Variants in MTA1 observed in about 807,000 individuals in gnomAD.
MTA1 encodes metastasis associated 1, also known as metastasis-associated protein MTA1.
MTA1 carries 15 observed loss-of-function variants against 97.0 expected under a neutral mutation model. That is an observed-to-expected ratio of 0.15 (90% CI 0.10 to 0.24). The LOEUF is 0.24. Ranked by LOEUF, MTA1 falls within the 10% of genes least tolerant of loss-of-function variation. MTA1 has a pLI of 1.00. For missense variants in MTA1, 709 were observed against 1,015.1 expected, an observed-to-expected ratio of 0.70 and a Z score of 4.10; for synonymous variants, 435 against 417.5, an observed-to-expected ratio of 1.04 and a Z score of -0.51.
intron 1 of MTA1, among the ~76,000 whole-genome samples, chr14:105,432,118 C>T (rs1356479575): frequency 1.3e-5 from 2 of 152,234 alleles, no homozygotes; most frequent in Non-Finnish European, 2.9e-5. Flanking sequence ...GCCTCAATTT[C>T]CTGGGCTCAG....
At chr14:105,458,206 GGAGAGGCGCGGCCCGGCGC>G (rs1555430272) in intron 7 of MTA1, 45 bp from the exon 8 acceptor site, 1 of 1,427,210 alleles carries the variant, frequency 7.0e-7, no homozygotes, top group East Asian at 2.3e-5. Context: ...CACCCGGGGA[GGAGAGGCGCGGCCCGGCGC>G]GCCGTGGGAC....
rs1284247452 is a variant in MTA1 at position 105,420,367 on chromosome 14, G to A, written c.28+304G>A. Among the ~76,000 whole-genome samples, 1 of 151,738 alleles carries A rather than the reference G, an allele frequency of 6.6e-6. No homozygotes were observed. Among genetic ancestry groups the A allele is most frequent in the Non-Finnish European group, 1.5e-5 (1 of 67,854 alleles). On this transcript the variant is annotated intron_variant, in intron 1 of 20. Transcript: ENST00000331320. The surrounding 1 kb of genome is among the most constrained non-coding windows in gnomAD (Gnocchi z 5.3). ...GCGCGGGGCCTGCGGGACATCCGGG[G>A]GTCCGGGGCCGGGAGCCCCCAGCGG...
At chr14:105,446,264 TG>T (rs1337041216) in intron 3 of MTA1, among the ~76,000 whole-genome samples, 1 of 152,048 alleles carries the variant, frequency 6.6e-6, no homozygotes, top group African/African-American at 2.4e-5. Context: ...CATGTGTCGG[TG>T]GGGGCAGGCA....
intron 9 of MTA1, 24 bp downstream of exon 9, chr14:105,460,481 G>C: frequency 6.3e-7 from 1 of 1,585,576 alleles, no homozygotes; most frequent in Non-Finnish European, 8.6e-7. Context: ...GGGCGGGACA[G>C]GTGAGACCTG....
In MTA1 at chr14:105,464,690, C is replaced by T. The variant is rs1200071600; in HGVS notation, c.1361C>T (p.Pro454Leu). Residue 454 changes from proline to leucine, a missense_variant, in exon 15 of 21, where the codon CCA (proline) becomes CTA (leucine). Physicochemically the swap from Pro to Leu is moderately conservative, Grantham distance 98. Around this residue, in one of 2 missense-constraint regions of MTA1, gnomAD observed 388 missense variants for 421.6 expected, o/e 0.92. Coordinates refer to ENST00000331320, the MANE Select transcript of MTA1 (RefSeq NM_004689.4). ...CTTCCGCAGAGTCCCCACGGCCTCC[C>T]AGCCCGGAGCAGCGGGAGCCCCAAG... ...NRSNMSPHGLPARSSGSPKFA... is the reference protein window; with the variant it reads ...NRSNMSPHGLLARSSGSPKFA... 3 of 1,603,944 alleles carry T rather than the reference C, an allele frequency of 1.9e-6. No homozygotes were observed. In the East Asian group the frequency reaches 6.7e-5, roughly 36 times the overall value.
At chr14:105,434,117 C>A (rs1595291641) in intron 1 of MTA1, among the ~76,000 whole-genome samples, 1 of 152,194 alleles carries the variant, frequency 6.6e-6, no homozygotes, top group Admixed American at 6.5e-5. Context: ...GCGCCTGGCC[C>A]AGTTATTTTG....
chr14:105,455,043 C>G (rs2083088973), intron 7 of MTA1, among the ~76,000 whole-genome samples: 7 of 152,114 alleles, frequency 4.6e-5, no homozygotes, highest in Admixed American at 4.6e-4. Context: ...GTAGCTGGAA[C>G]TACAGGGGCA....
intron 1 of MTA1, among the ~76,000 whole-genome samples, chr14:105,428,587 C>G (rs1466293391): frequency 6.6e-6 from 1 of 151,928 alleles, no homozygotes; most frequent in Non-Finnish European, 1.5e-5. Flanking sequence ...TTCTTGAAAT[C>G]AAGTAGTAGG....
chr14:105,465,480 CG>C (rs1555432522), intron 16 of MTA1: 1 of 265,832 alleles, frequency 3.8e-6, no homozygotes, highest in African/African-American at 2.2e-5. Context: ...CTGCCAGTCT[CG>C]CTACCCTGTT....
chr14:105,457,295 C>T (rs987014187), intron 7 of MTA1, among the ~76,000 whole-genome samples: 1 of 152,366 alleles, frequency 6.6e-6, no homozygotes, highest in South Asian at 2.1e-4. Context: ...CCCAACACCA[C>T]GGTCTTGTTT....
chr14:105,468,450 C>A, intron 18 of MTA1: 1 of 1,130,580 alleles, frequency 8.8e-7, no homozygotes, highest in Non-Finnish European at 1.2e-6. Context: ...CGCCGCAGAT[C>A]AGGCACCTGG....
At chr14:105,427,432 G>C (rs782248496) in intron 1 of MTA1, among the ~76,000 whole-genome samples, 1 of 152,226 alleles carries the variant, frequency 6.6e-6, no homozygotes, top group South Asian at 2.1e-4. Context: ...CTGGACACAG[G>C]CAGGCTGGGA....
Position 105,460,762 on chromosome 14 carries a change from C to T in MTA1, c.754-3C>T. On this transcript the variant is annotated splice_region_variant and splice_polypyrimidine_tract_variant and intron_variant, in intron 9 of 20. Coordinates refer to ENST00000331320, the MANE Select transcript of MTA1 (RefSeq NM_004689.4). Reference sequence around the variant, plus strand: ...CGGGTGACCCTGCTGTCTCCTGCCGCAGTTCCACGCCATGGATACTCTCCA... The same window carrying T: ...CGGGTGACCCTGCTGTCTCCTGCCGTAGTTCCACGCCATGGATACTCTCCA... The T allele has an allele frequency of 6.4e-7, 1 of 1,569,764 alleles. No individual in the cohort carries two copies. Among genetic ancestry groups the T allele is most frequent in the Non-Finnish European group, 8.7e-7 (1 of 1,156,014 alleles).
At chr14:105,455,894 C>T (rs7149807) in intron 7 of MTA1, among the ~76,000 whole-genome samples, 131,894 of 152,048 alleles carry the variant, frequency 0.87, 60,269 homozygotes, top group Non-Finnish European at 1. Flanking sequence ...GCCTGTGGGT[C>T]GGAGCCTGGG....
At chr14:105,469,569 C>A (rs2141724340) in intron 19 of MTA1, 71 bp downstream of exon 19, 1 of 1,547,988 alleles carries the variant, frequency 6.5e-7, no homozygotes, top group African/African-American at 1.4e-5. Flanking sequence ...GGGAAGAGGC[C>A]TGGCCAGCCC....
chr14:105,454,841 A>T (rs1403032001), intron 7 of MTA1: 1 of 153,534 alleles, frequency 6.5e-6, no homozygotes, highest in Non-Finnish European at 1.4e-5. Flanking sequence ...TCTTGACCTC[A>T]GGCCTCCCAA....
At chr14:105,437,617 G>A (rs868950635) in intron 1 of MTA1, among the ~76,000 whole-genome samples, 7 of 152,230 alleles carry the variant, frequency 4.6e-5, no homozygotes, top group African/African-American at 9.6e-5. Context: ...TTTGGCCTCC[G>A]TGTGGACAGA....
intron 9 of MTA1, 93 bp from the exon 10 acceptor site, chr14:105,460,672 G>C: frequency 7.3e-7 from 1 of 1,373,522 alleles, no homozygotes; most frequent in South Asian, 1.5e-5. Context: ...GCCTGCAGTA[G>C]GGGATCCTTG....
chr14:105,468,384 C>T lies in MTA1; in HGVS notation c.1814-1083C>T, dbSNP rs782223367. On this transcript the variant is annotated intron_variant, in intron 18 of 20. Coordinates refer to ENST00000331320, the MANE Select transcript of MTA1 (RefSeq NM_004689.4). Reference sequence around the variant, plus strand: ...TTTTGTGCTACTGGCCAGCCCTGGGCGCTGGGCCTTGGCTTGTGGCAGGTG... The same window carrying T: ...TTTTGTGCTACTGGCCAGCCCTGGGTGCTGGGCCTTGGCTTGTGGCAGGTG... The T allele has an allele frequency of 6.4e-5, 84 of 1,303,400 alleles. No individual in the cohort carries two copies. The South Asian group carries it at 7.2e-4, about 11-fold the overall frequency. 80.7% of individuals were successfully genotyped at this position (1,303,400 alleles called of 1,614,324 possible).
Sources: allele counts gnomAD v4.1 joint callset (sites outside exome capture counted in the v4.1 genomes callset), GRCh38; gene constraint gnomAD v4.1.1; regional missense constraint gnomAD v4.1.1; non-coding constraint Gnocchi (gnomAD v3.1); transcripts MANE v1.5; gene names NCBI Gene and HGNC (gene_info 2026-07-23, HGNC 2026-07-21).